PTPRD: variants seen among roughly 807,000 people sequenced by gnomAD.
The protein encoded by PTPRD is protein tyrosine phosphatase receptor type D.
PTPRD carries 34 observed loss-of-function variants against 214.5 expected under a neutral mutation model. That is an observed-to-expected ratio of 0.16 (90% CI 0.12 to 0.21). The LOEUF (loss-of-function observed/expected upper bound fraction) is 0.21, where lower values mean the gene tolerates loss of function less well. PTPRD is among the 10% of genes least tolerant of loss of function. PTPRD has a pLI of 1.00. For missense variants in PTPRD, 2,545 were observed against 2,398.7 expected (o/e 1.06, Z -1.27); for synonymous variants, 1,128 against 845.7 (o/e 1.33, Z -5.79).
intron 8 of PTPRD, among the ~76,000 whole-genome samples, chr9:9,431,466 C>G (rs566154877): frequency 6.6e-6 from 1 of 152,076 alleles, no homozygotes; most frequent in Non-Finnish European, 1.5e-5. Context: ...GGAGTGTAAA[C>G]TAGTTCAACC....
intron 6 of PTPRD, among the ~76,000 whole-genome samples, chr9:9,739,247 C>G (rs1023450422): frequency 2.0e-5 from 3 of 152,124 alleles, no homozygotes; most frequent in African/African-American, 7.2e-5. Flanking sequence ...ACTGGGCATC[C>G]TTGTCTTTAT....
At chr9:10,592,035 A>G (rs1192988869) in intron 2 of PTPRD, among the ~76,000 whole-genome samples, 1 of 152,124 alleles carries the variant, frequency 6.6e-6, no homozygotes, top group Non-Finnish European at 1.5e-5. Flanking sequence ...ACTCAGCATA[A>G]GAGTACTTTG....
chr9:9,822,786 C>T (rs914162376), intron 5 of PTPRD, among the ~76,000 whole-genome samples: 1 of 151,998 alleles, frequency 6.6e-6, no homozygotes, highest in South Asian at 2.1e-4. Context: ...CTGACATGAC[C>T]TCATGTGACG....
At chr9:8,969,764 T>C (rs1248591699) in intron 11 of PTPRD, among the ~76,000 whole-genome samples, 1 of 151,876 alleles carries the variant, frequency 6.6e-6, no homozygotes, top group Non-Finnish European at 1.5e-5. Context: ...AGGAGTATGA[T>C]CTCATACCTT....
intron 8 of PTPRD, among the ~76,000 whole-genome samples, chr9:9,473,605 G>A (rs943924355): frequency 6.6e-6 from 1 of 152,100 alleles, no homozygotes; most frequent in Non-Finnish European, 1.5e-5. Context: ...CAGTGTGTAA[G>A]AGTTCCCTTT....
chr9:10,319,864 A>G (rs186519211), intron 3 of PTPRD, among the ~76,000 whole-genome samples: 242 of 152,150 alleles, frequency 1.6e-3, no homozygotes, highest in South Asian at 0.013. Context: ...CTTGGTAGTA[A>G]CATGTTTTCA....
intron 32 of PTPRD, 44 bp from the exon 33 acceptor site, chr9:8,460,615 T>C (rs1420355523): frequency 6.3e-7 from 1 of 1,582,356 alleles, no homozygotes; most frequent in African/African-American, 1.4e-5. Context: ...ATAATGACTT[T>C]CTAGATAAGT....
At chr9:9,675,487 T>A (rs976101850) in intron 7 of PTPRD, among the ~76,000 whole-genome samples, 2 of 151,552 alleles carry the variant, frequency 1.3e-5, no homozygotes, top group South Asian at 2.1e-4. Flanking sequence ...TACAAGAAAT[T>A]ATAAAAAATA....
chr9:10,289,816 A>C (rs2095477102), intron 3 of PTPRD, among the ~76,000 whole-genome samples: 1 of 152,172 alleles, frequency 6.6e-6, no homozygotes, highest in Non-Finnish European at 1.5e-5. Context: ...TGTATACAAG[A>C]AATTGTAATA....
chr9:10,148,752 T>A (rs2099040962), intron 3 of PTPRD, among the ~76,000 whole-genome samples: 1 of 152,198 alleles, frequency 6.6e-6, no homozygotes, highest in South Asian at 2.1e-4. Context: ...CCTAGGCCAA[T>A]TAAACTACCA....
At chr9:9,234,987 T>C (rs913689796) in intron 9 of PTPRD, among the ~76,000 whole-genome samples, 1 of 152,184 alleles carries the variant, frequency 6.6e-6, no homozygotes, top group African/African-American at 2.4e-5. Flanking sequence ...TACCAATTTA[T>C]TGTATTAGTT....
chr9:9,225,874 G>GCAT (rs2099959139), intron 9 of PTPRD, among the ~76,000 whole-genome samples: 1 of 151,908 alleles, frequency 6.6e-6, no homozygotes, highest in Non-Finnish European at 1.5e-5. Flanking sequence ...TCATATTGAT[G>GCAT]CATCTCATTC....
chr9:9,074,403 C>A (rs1451120449), intron 10 of PTPRD, among the ~76,000 whole-genome samples: 2 of 152,070 alleles, frequency 1.3e-5, no homozygotes, highest in African/African-American at 4.8e-5. Context: ...TTTGGTGGAA[C>A]ACTCACTAAA....
intron 8 of PTPRD, 86 bp from the exon 9 acceptor site, chr9:9,397,568 A>C (rs1047842570): frequency 1.3e-5 from 2 of 152,414 alleles, no homozygotes; most frequent in Non-Finnish European, 2.9e-5. Flanking sequence ...TGTTATGGAC[A>C]TATCTATAGA....
chr9:8,905,460 C>A (rs78467171), intron 11 of PTPRD, among the ~76,000 whole-genome samples: 3 of 151,916 alleles, frequency 2.0e-5, no homozygotes, highest in East Asian at 3.9e-4. Flanking sequence ...ATTAGCCAGC[C>A]GGACGTCGTG....
At chr9:10,152,496 A>G (rs546704218) in intron 3 of PTPRD, among the ~76,000 whole-genome samples, 2 of 152,230 alleles carry the variant, frequency 1.3e-5, no homozygotes, top group South Asian at 2.1e-4. Flanking sequence ...AAAATTTTGC[A>G]TGTATACATA....
At chr9:8,581,073 G>A (rs1564494144) in intron 14 of PTPRD, among the ~76,000 whole-genome samples, 1 of 152,086 alleles carries the variant, frequency 6.6e-6, no homozygotes. Flanking sequence ...CAATTAATTG[G>A]TTTGGTACTG....
intron 3 of PTPRD, among the ~76,000 whole-genome samples, chr9:10,106,187 T>C (rs1299870164): frequency 6.6e-6 from 1 of 151,794 alleles, no homozygotes; most frequent in Admixed American, 6.6e-5. Context: ...TTCTCTCCTC[T>C]ACCACTACTC....
chr9:9,939,025 TTA>T, intron 4 of PTPRD, among the ~76,000 whole-genome samples: 1 of 150,114 alleles, frequency 6.7e-6, no homozygotes, highest in South Asian at 2.1e-4. Context: ...TTTTTTTTTT[TTA>T]ACCATGAAAA....
Sources: gnomAD v4.1 joint callset for allele counts (sites outside exome capture counted in the v4.1 genomes callset) on GRCh38, gnomAD v4.1.1 for gene constraint, MANE v1.5 for transcripts, NCBI Gene and HGNC (gene_info 2026-07-23, HGNC 2026-07-21) for gene names.